B4GALNT4: variants seen among roughly 807,000 people sequenced by gnomAD.
B4GALNT4 encodes the protein beta-1,4-N-acetyl-galactosaminyltransferase 4.
In B4GALNT4, 77 loss-of-function variants were observed where a neutral mutation model predicts 110.0. The observed-to-expected ratio is 0.70, with a 90% CI of 0.58 to 0.85. The LOEUF (loss-of-function observed/expected upper bound fraction) is 0.85, where lower values mean the gene tolerates loss of function less well. Among genes scored for constraint, B4GALNT4 ranks in the 40% least tolerant of loss-of-function variants. The pLI is 0.00. For synonymous variants in B4GALNT4, 785 were observed against 655.5 expected, an observed-to-expected ratio of 1.20 and a Z score of -3.02; for missense variants, 1,575 against 1,506.0, an observed-to-expected ratio of 1.05 and a Z score of -0.76.
In B4GALNT4 at chr11:379,506, G is replaced by C. The variant is rs747884662; in HGVS notation, c.2293G>C (p.Glu765Gln). ...CTTCCTGCTGGAGCTGGAGCTGCAG[G>C]AGCGCGGGGGCGGCCGCCTGCGACT... Reference protein sequence around the residue: ...SRFLLELELQERGGGRLRLSE... With the variant: ...SRFLLELELQQRGGGRLRLSE... The change falls in exon 15 of 20, where the codon GAG (glutamate) becomes CAG (glutamine). Residue 765 changes from glutamate to glutamine, a missense_variant. Coordinates refer to ENST00000329962, the MANE Select transcript of B4GALNT4 (RefSeq NM_178537.5). 45 of 1,575,496 alleles carry C rather than the reference G, an allele frequency of 2.9e-5. No individual in the cohort carries two copies. In the African/African-American group the frequency reaches 4.2e-4, roughly 15 times the overall value.
At chr11:370,859 C>A (rs1846605050) in intron 1 of B4GALNT4, among the ~76,000 whole-genome samples, 1 of 152,086 alleles carries the variant, frequency 6.6e-6, no homozygotes, top group Non-Finnish European at 1.5e-5. Flanking sequence ...GCCAAAGCCC[C>A]TGTGTTCTCT....
chr11:376,505 C>A lies in B4GALNT4; in HGVS notation c.1382C>A (p.Ser461Tyr), dbSNP rs780829436. The A allele has an allele frequency of 2.0e-6, 3 of 1,525,370 alleles. No homozygotes were observed. Among genetic ancestry groups the A allele is most frequent in the East Asian group, 4.8e-5 (2 of 41,538 alleles). 94.5% of individuals were successfully genotyped at this position (1,525,370 alleles called of 1,614,324 possible). Residue 461 changes from serine to tyrosine, a missense_variant, in exon 14 of 20, where the codon TCC becomes TAC. Coordinates refer to ENST00000329962, the MANE Select transcript of B4GALNT4 (RefSeq NM_178537.5). ...GCCCCGCCCAGGAGCGGCCCCCAGT[C>A]CCCCGCCCCAGCAGCCCCCGCCCAG... ...EAAPPRSGPQ[S>Y]PAPAAPAQPG...
In B4GALNT4 at chr11:380,194, G is replaced by A. The variant is rs746435539; in HGVS notation, c.2707G>A (p.Ala903Thr). ...CGCCGGGCTGCAGGCGGGAGTGGAC[G>A]CGGTAGAGGTCCGAGGGCCCCATGG... ...RSAGLQAGVD[A>T]VEDASSIVFL... is the part of the protein sequence containing the mutation. The change falls in exon 17 of 20, where the codon GCG becomes ACG. Residue 903 changes from alanine (A) to threonine (T), a missense_variant. Ala to Thr is a moderately conservative substitution (Grantham distance 58). Transcript: ENST00000329962. 2 of 1,602,744 alleles carry A rather than the reference G, an allele frequency of 1.2e-6. No homozygotes were observed. The highest frequency in any genetic ancestry group is 8.5e-7 in the Non-Finnish European group (1 of 1,172,528).
Position 381,782 on chromosome 11 carries a change from G to A in B4GALNT4, c.3110G>A (p.Gly1037Glu). 1 of 1,580,896 alleles carries A rather than the reference G, an allele frequency of 6.3e-7. No homozygotes were observed. The highest frequency in any genetic ancestry group is 2.4e-5 in the East Asian group (1 of 42,118). Residue 1037 changes from glycine to glutamate, a missense_variant, in exon 20 of 20, where the codon GGG (glycine) becomes GAG (glutamate). Gly to Glu is a moderately conservative substitution (Grantham distance 98). Coordinates refer to ENST00000329962, the MANE Select transcript of B4GALNT4 (RefSeq NM_178537.5). The part of the protein sequence containing the change: ...SVRSRKGSRT[G>E]AS ...CGCAGCAGGAAGGGCTCTCGCACGG[G>A]GGCGTCTTGAGGACGGGCAGCCCCT... is the stretch of plus-strand genomic sequence containing the variant.
chr11:376,056 C>A lies in B4GALNT4; in HGVS notation c.1096-18C>A. 6.3e-7 allele frequency: 1 copy of A among 1,591,056 alleles called. No homozygotes were observed. Among genetic ancestry groups the A allele is most frequent in the East Asian group, 2.2e-5 (1 of 44,692 alleles). On this transcript the variant is annotated intron_variant, in intron 11 of 19. Transcript: ENST00000329962. ...CGGGAGGTCCGCGCCCTGAGCCCTG[C>A]GCCCCCCCACCCCCCAGGTGTACCT...
chr11:374,446 G>GA (rs1846684015), intron 8 of B4GALNT4, among the ~76,000 whole-genome samples: 2 of 150,592 alleles, frequency 1.3e-5, no homozygotes, highest in Non-Finnish European at 3.0e-5. Flanking sequence ...CTGGTGTGTG[G>GA]AGGGCACGTT....
Position 379,568 on chromosome 11 carries a change from C to T in B4GALNT4, c.2355C>T (p.Arg785=), listed in dbSNP as rs750004592. 1 of 1,586,972 alleles carries T rather than the reference C, an allele frequency of 6.3e-7. No homozygotes were observed. Among genetic ancestry groups the T allele is most frequent in the East Asian group, 2.3e-5 (1 of 43,856 alleles). The change falls in exon 15 of 20, where the codon CGC becomes CGT. Residue 785 remains arginine (R), a synonymous_variant. Transcript: ENST00000329962. ...TCTTCCTGCGGCTGCCGGGAGCCCG[C>T]GTAGGGGATGCAGACGGAGAAAGTC... is the stretch of plus-strand genomic sequence containing the variant. ...EYVFLRLPGA[R]VGDADGESPE...
intron 6 of B4GALNT4, 79 bp downstream of exon 6, chr11:373,370 A>G: frequency 6.4e-7 from 1 of 1,559,454 alleles, no homozygotes; most frequent in Non-Finnish European, 8.8e-7. Flanking sequence ...CTTGGGAATG[A>G]GGACCCGATG....
intron 15 of B4GALNT4, 25 bp from the exon 16 acceptor site, chr11:379,841 G>GCC (rs144602584): frequency 0.075 from 117,059 of 1,559,478 alleles, 4,244 homozygotes; most frequent in Admixed American, 0.14. Flanking sequence ...TCGGCTCAGC[G>GCC]CCCCCCCCGC....
At chr11:375,408 C>T (rs939312477) in intron 8 of B4GALNT4, 53 bp from the exon 9 acceptor site, 3 of 1,592,794 alleles carry the variant, frequency 1.9e-6, no homozygotes, top group East Asian at 2.2e-5. Flanking sequence ...ACCCTTTCTT[C>T]CCTGGACCCA....
chr11:372,978 G>A, intron 4 of B4GALNT4, 31 bp downstream of exon 4: 1 of 1,612,422 alleles, frequency 6.2e-7, no homozygotes, highest in Non-Finnish European at 8.5e-7. Flanking sequence ...GTGCCGGGTG[G>A]GCAGGGCACG....
Position 373,291 on chromosome 11 carries a change from G to A in B4GALNT4, c.636G>A (p.Lys212=). The part of the protein sequence containing the change: ...AAAQLVAFVG[K]TGSEWTAPGE... ...CCCAGCTTGTGGCCTTTGTGGGCAAGGTACCCCCACCCCAGCCCTGGTGTC... is the reference window on the plus strand; with the variant it reads ...CCCAGCTTGTGGCCTTTGTGGGCAAAGTACCCCCACCCCAGCCCTGGTGTC... Residue 212 remains lysine (K), a splice_region_variant and synonymous_variant, in exon 6 of 20, where the codon AAG becomes AAA. Coordinates refer to ENST00000329962, the MANE Select transcript of B4GALNT4 (RefSeq NM_178537.5). 1 of 1,608,078 alleles carries A rather than the reference G, an allele frequency of 6.2e-7. No homozygotes were observed. The highest frequency in any genetic ancestry group is 1.7e-5 in the Admixed American group (1 of 59,892).
chr11:372,463 C>T (rs1846634024), intron 2 of B4GALNT4, among the ~76,000 whole-genome samples, 199 bp from the exon 3 acceptor site: 1 of 152,016 alleles, frequency 6.6e-6, no homozygotes, highest in Non-Finnish European at 1.5e-5. Flanking sequence ...GGCCAAGCAT[C>T]TGCTTGGGCT....
At chr11:378,060 G>A (rs893335228) in intron 14 of B4GALNT4, among the ~76,000 whole-genome samples, 2 of 152,140 alleles carry the variant, frequency 1.3e-5, no homozygotes, top group Non-Finnish European at 1.5e-5. Flanking sequence ...TCTCCTGTGC[G>A]TGATGGAAGG....
At chr11:378,999 A>G (rs979993442) in intron 14 of B4GALNT4, among the ~76,000 whole-genome samples, 4 of 152,116 alleles carry the variant, frequency 2.6e-5, no homozygotes, top group Non-Finnish European at 5.9e-5. Flanking sequence ...GTATGAGGGG[A>G]AGGTTGAAAG....
rs1846627781 is a variant in B4GALNT4, at chr11:372,135, G to A, written c.178G>A (p.Asp60Asn). The change falls in exon 2 of 20, where the codon GAC (aspartate) becomes AAC (asparagine). Residue 60 changes from aspartate (D) to asparagine (N), a missense_variant. Asp to Asn is a conservative substitution (Grantham distance 23). Coordinates refer to ENST00000329962, the MANE Select transcript of B4GALNT4 (RefSeq NM_178537.5). ...TGGTGAGAAGCTGACCAGTGAGACC[G>A]ACGGCCGGGGGGTCCACGCTGCGCC... The part of the protein sequence containing the change: ...RDGEKLTSET[D>N]GRGVHAAPST... 11 of 1,549,574 alleles carry A rather than the reference G, an allele frequency of 7.1e-6. No homozygotes were observed. Among genetic ancestry groups the A allele is most frequent in the East Asian group, 2.4e-5 (1 of 40,930 alleles).
chr11:379,607 C>T lies in B4GALNT4; in HGVS notation c.2394C>T (p.Pro798=), dbSNP rs780107827. ...DADGESPEPA[P]AASVRPDGRP... is the part of the protein sequence containing the mutation. Reference sequence around the variant, plus strand: ...ACGGAGAAAGTCCCGAACCCGCTCCCGCCGCCTCCGTGCGCCCCGACGGCC... The same window carrying T: ...ACGGAGAAAGTCCCGAACCCGCTCCTGCCGCCTCCGTGCGCCCCGACGGCC... Residue 798 remains proline, a synonymous_variant, in exon 15 of 20, where the codon CCC becomes CCT. Transcript: ENST00000329962. The T allele has an allele frequency of 3.9e-6, 6 of 1,552,574 alleles. No homozygotes were observed. The African/African-American group carries it at 4.2e-5, about 11-fold the overall frequency.
In B4GALNT4 at chr11:381,683, G is replaced by T; in HGVS notation, c.3011G>T (p.Gly1004Val). ...WELLDRVLQA[G>V]LEVERLRLRN... ...CCCGGCCCCAGGGTCCTGCAGGCAG[G>T]GCTGGAGGTGGAGCGGCTCCGACTG... is the stretch of plus-strand genomic sequence containing the variant. The change falls in exon 20 of 20, where the codon GGG (glycine) becomes GTG (valine). Residue 1004 changes from glycine (G) to valine (V), a missense_variant. Gly to Val is a moderately radical substitution (Grantham distance 109). Coordinates refer to ENST00000329962, the MANE Select transcript of B4GALNT4 (RefSeq NM_178537.5). The T allele has an allele frequency of 6.3e-7, 1 of 1,592,710 alleles. No homozygotes were observed. The highest frequency in any genetic ancestry group is 8.5e-7 in the Non-Finnish European group (1 of 1,170,834).
intron 14 of B4GALNT4, among the ~76,000 whole-genome samples, chr11:378,620 C>T (rs1232702740): frequency 6.6e-6 from 1 of 152,124 alleles, no homozygotes; most frequent in Admixed American, 6.6e-5. Context: ...GCACAGACTG[C>T]CAAGGGAGGA....
Sources: gnomAD v4.1 joint callset for allele counts (sites outside exome capture counted in the v4.1 genomes callset) on GRCh38, gnomAD v4.1.1 for gene constraint, MANE v1.5 for transcripts, NCBI Gene and HGNC (gene_info 2026-07-23, HGNC 2026-07-21) for gene names.